Variants in RCOR1 observed in about 807,000 individuals in gnomAD.
The protein encoded by RCOR1 is REST corepressor 1, also known as REST corepressor.
A neutral mutation model predicts 64.0 loss-of-function variants in RCOR1; 12 were observed. The observed-to-expected ratio is 0.19, with a 90% confidence interval of 0.12 to 0.30. RCOR1 has a LOEUF of 0.30. Ranked by LOEUF, RCOR1 falls within the 10% of genes least tolerant of loss-of-function variation. The pLI, the probability that RCOR1 is intolerant of heterozygous loss-of-function variation, is 1.00. For synonymous variants in RCOR1, 279 were observed against 227.2 expected (o/e 1.23, Z -2.05); for missense variants, 502 against 621.2 (o/e 0.81, Z 2.04).
In RCOR1 at chr14:102,605,244, G is replaced by A. The variant is rs1281851505; in HGVS notation, c.361+11919G>A. ...TCTTCTTCCTGGCAGTGAGAACACCGGTGAAATGGGAGGTGGTTAGCTTGG... is the reference window on the plus strand; with the variant it reads ...TCTTCTTCCTGGCAGTGAGAACACCAGTGAAATGGGAGGTGGTTAGCTTGG... On this transcript the variant is annotated intron_variant, in intron 2 of 11. Coordinates refer to ENST00000262241, the MANE Select transcript of RCOR1 (RefSeq NM_015156.4). 3.3e-5 allele frequency among the ~76,000 whole-genome samples: 5 copies of A among 152,088 alleles called. No individual in the cohort carries two copies. In the East Asian group the frequency reaches 5.8e-4, roughly 18 times the overall value.
intron 2 of RCOR1, among the ~76,000 whole-genome samples, chr14:102,676,760 G>T (rs1273757846): frequency 8.5e-4 from 85 of 99,876 alleles, no homozygotes; most frequent in African/African-American, 3.6e-3. Context: ...CCCGGACGGG[G>T]CGGCTGGCCG....
chr14:102,623,989 C>G (rs1456400734), intron 2 of RCOR1, among the ~76,000 whole-genome samples: 1 of 147,646 alleles, frequency 6.8e-6, no homozygotes, highest in East Asian at 2.1e-4. Flanking sequence ...GTGAGGAGAT[C>G]GAGACCATCC....
intron 11 of RCOR1, 123 bp from the exon 12 acceptor site, chr14:102,726,345 G>T: frequency 7.6e-5 from 53 of 698,262 alleles, no homozygotes; most frequent in Non-Finnish European, 1.0e-4. Flanking sequence ...AAAAAAAAAA[G>T]AACTCGGTGT....
intron 2 of RCOR1, among the ~76,000 whole-genome samples, chr14:102,679,521 C>G (rs1019491080): frequency 1.3e-5 from 2 of 151,658 alleles, no homozygotes; most frequent in South Asian, 2.1e-4. Context: ...CTCTGTCACC[C>G]AGGCTGGAGT....
chr14:102,608,268 G>A (rs1402380917), intron 2 of RCOR1, among the ~76,000 whole-genome samples: 1 of 152,006 alleles, frequency 6.6e-6, no homozygotes. Flanking sequence ...TTTTGTTTCT[G>A]GATTACTTAT....
Position 102,592,849 on chromosome 14 carries a change from G to T in RCOR1, c.-38G>T, listed in dbSNP as rs1336312468. 2 of 1,177,564 alleles carry T rather than the reference G, an allele frequency of 1.7e-6. No homozygotes were observed. Among genetic ancestry groups the T allele is most frequent in the Admixed American group, 4.7e-5 (1 of 21,496 alleles). 72.9% of individuals were successfully genotyped at this position (1,177,564 alleles called of 1,614,324 possible). ...TCGGCGCCCCCTCCTCAGGAGCCGCGGGTCCCCGCCACTTTCGCACGGCCC... is the reference window on the plus strand; with the variant it reads ...TCGGCGCCCCCTCCTCAGGAGCCGCTGGTCCCCGCCACTTTCGCACGGCCC... On this transcript the variant is annotated 5_prime_UTR_variant, in exon 1 of 12. Transcript: ENST00000262241.
intron 2 of RCOR1, among the ~76,000 whole-genome samples, chr14:102,679,583 A>G (rs1895261281): frequency 6.6e-6 from 1 of 151,030 alleles, no homozygotes; most frequent in Non-Finnish European, 1.5e-5. Context: ...CGTTCACGCC[A>G]TTCTCCTGCC....
At chr14:102,657,391 G>A (rs1595215897) in intron 2 of RCOR1, 1 of 985,148 alleles carries the variant, frequency 1.0e-6, no homozygotes, top group African/African-American at 1.7e-5. Flanking sequence ...TCTTCTTGGA[G>A]CTAATTTCTT....
At chr14:102,697,914 T>C (rs1192624163) in intron 3 of RCOR1, among the ~76,000 whole-genome samples, 1 of 151,762 alleles carries the variant, frequency 6.6e-6, no homozygotes, top group African/African-American at 2.4e-5. Flanking sequence ...AGAGATGGGG[T>C]TTCACCATGT....
chr14:102,694,972 A>C (rs542236319), intron 3 of RCOR1, among the ~76,000 whole-genome samples: 1 of 152,322 alleles, frequency 6.6e-6, no homozygotes, highest in South Asian at 2.1e-4. Context: ...AGCTCTAAGA[A>C]GGCTATAAGC....
intron 2 of RCOR1, among the ~76,000 whole-genome samples, chr14:102,644,047 G>C (rs1894428767): frequency 6.6e-6 from 1 of 152,212 alleles, no homozygotes; most frequent in South Asian, 2.1e-4. Flanking sequence ...GAAGACATCA[G>C]TTGGGCAGCT....
chr14:102,635,045 G>C (rs950757591), intron 2 of RCOR1, among the ~76,000 whole-genome samples: 2 of 151,790 alleles, frequency 1.3e-5, no homozygotes, highest in African/African-American at 4.8e-5. Flanking sequence ...TGTTGGCCTG[G>C]TTGGTCTTGA....
chr14:102,705,710 C>T (rs760751571), intron 4 of RCOR1, among the ~76,000 whole-genome samples: 3 of 152,150 alleles, frequency 2.0e-5, no homozygotes, highest in Admixed American at 6.5e-5. Flanking sequence ...CCTCTCACCT[C>T]GGCCTCCCAG....
chr14:102,684,023 C>G (rs1176862664), intron 3 of RCOR1, among the ~76,000 whole-genome samples: 1 of 152,250 alleles, frequency 6.6e-6, no homozygotes, highest in Non-Finnish European at 1.5e-5. Context: ...CGTATCCCGC[C>G]TCTCTGCCTC....
chr14:102,665,993 TG>T (rs1894910405), intron 2 of RCOR1, among the ~76,000 whole-genome samples: 1 of 152,182 alleles, frequency 6.6e-6, no homozygotes, highest in Admixed American at 6.5e-5. Context: ...GAGCCTAAAC[TG>T]TGATAGAGAA....
At chr14:102,653,983 C>CTTTCTTTCTT (rs1334055763) in intron 2 of RCOR1, among the ~76,000 whole-genome samples, 30 of 33,152 alleles carry the variant, frequency 9.0e-4, no homozygotes, top group African/African-American at 1.9e-3. Context: ...TTCTTTCTTT[C>CTTTCTTTCTT]TTTTTTTTTT....
chr14:102,676,226 C>T (rs1313411553), intron 2 of RCOR1, among the ~76,000 whole-genome samples: 81 of 150,688 alleles, frequency 5.4e-4, no homozygotes, highest in Admixed American at 8.6e-4. Flanking sequence ...AGCCGCTGGG[C>T]ACACCTCCCA....
At chr14:102,659,710 T>C (rs1894793714) in intron 2 of RCOR1, among the ~76,000 whole-genome samples, 1 of 152,218 alleles carries the variant, frequency 6.6e-6, no homozygotes, top group Admixed American at 6.5e-5. Flanking sequence ...TGTGAAGTAG[T>C]GTCACATGGA....
chr14:102,670,927 C>T (rs1895021662), intron 2 of RCOR1, among the ~76,000 whole-genome samples: 2 of 152,012 alleles, frequency 1.3e-5, no homozygotes, highest in South Asian at 4.2e-4. Flanking sequence ...GCACCTGCCA[C>T]CATGCCTGGC....
Sources: allele counts gnomAD v4.1 joint callset (sites outside exome capture counted in the v4.1 genomes callset), GRCh38; gene constraint gnomAD v4.1.1; transcripts MANE v1.5; gene names NCBI Gene and HGNC (gene_info 2026-07-23, HGNC 2026-07-21).